The following L3MBTL3 variants were observed in gnomAD, a reference collection of about 807,000 sequenced individuals.
L3MBTL3 encodes the protein lethal(3)malignant brain tumor-like protein 3.
Under a neutral mutation model 102.3 loss-of-function variants are expected in L3MBTL3, and 27 were observed. The ratio of observed to expected loss-of-function variants is 0.26; its 90% CI spans 0.19 to 0.36. L3MBTL3 has a LOEUF of 0.36. L3MBTL3 is among the 10% of genes least tolerant of loss of function. The probability of loss-of-function intolerance (pLI) is 1.00; values close to 1 mark genes in which losing one functional copy is unlikely to be tolerated. For synonymous variants in L3MBTL3, 340 were observed against 320.9 expected (o/e 1.06, Z -0.64); for missense variants, 798 against 955.3 (o/e 0.84, Z 2.17).
chr6:130,042,705 T>C lies in L3MBTL3; in HGVS notation c.6T>C (p.Thr2=). 1.2e-6 allele frequency: 2 copies of C among 1,610,618 alleles called. No individual in the cohort carries two copies. Among genetic ancestry groups the C allele is most frequent in the Non-Finnish European group, 8.5e-7 (1 of 1,177,016 alleles). The change falls in exon 3 of 23, where the codon ACT becomes ACC. Residue 2 remains threonine, a synonymous_variant. Coordinates refer to ENST00000361794, the MANE Select transcript of L3MBTL3 (RefSeq NM_032438.4). M[T]ESASSTSGQE... ...TTCAGGTTAAAAAATAAATCATGAC[T>C]GAATCTGCCTCTAGCACAAGTGGTC...
Position 130,068,409 on chromosome 6 carries a change from A to G in L3MBTL3, c.1080A>G (p.Glu360=), listed in dbSNP as rs1584364782. 2 of 1,579,974 alleles carry G rather than the reference A, an allele frequency of 1.3e-6. No individual in the cohort carries two copies. Among genetic ancestry groups the G allele is most frequent in the Admixed American group, 3.3e-5 (2 of 59,904 alleles). ...KAQAAPKSLF[E]NQNITVIPSG... is the part of the protein sequence containing the mutation. ...AAGCTGCTCCTAAGTCATTATTTGA[A>G]AATCAGAATATAGTAAGTACATACG... The change falls in exon 12 of 23, where the codon GAA becomes GAG. Residue 360 remains glutamate (E), a synonymous_variant. Transcript: ENST00000361794.
chr6:130,095,525 A>G (rs1246327238), intron 18 of L3MBTL3, among the ~76,000 whole-genome samples: 1 of 152,182 alleles, frequency 6.6e-6, no homozygotes, highest in Admixed American at 6.5e-5. Flanking sequence ...AAGTTATTAA[A>G]TATTGCCTAG....
At chr6:130,125,533 G>A (rs1052439255) in intron 20 of L3MBTL3, among the ~76,000 whole-genome samples, 6 of 152,096 alleles carry the variant, frequency 3.9e-5, no homozygotes, top group African/African-American at 1.2e-4. Context: ...TTTTCCCAAG[G>A]TCTTTTGTGA....
chr6:130,134,956 G>A (rs1420565217), intron 22 of L3MBTL3, among the ~76,000 whole-genome samples: 1 of 151,342 alleles, frequency 6.6e-6, no homozygotes. Context: ...TGTTCTTATT[G>A]TGCAAAGGTT....
chr6:130,053,072 GC>G, intron 7 of L3MBTL3, 81 bp downstream of exon 7: 2 of 1,099,924 alleles, frequency 1.8e-6, no homozygotes, highest in Non-Finnish European at 2.7e-6. Context: ...CTGCTCTGGA[GC>G]CCACTGAGTT....
chr6:130,098,440 C>T (rs370958020), intron 18 of L3MBTL3, among the ~76,000 whole-genome samples: 12 of 152,220 alleles, frequency 7.9e-5, no homozygotes, highest in East Asian at 5.8e-4. Context: ...CAGAGAGAAG[C>T]GTCAGCTTTT....
At chr6:130,138,074 G>A (rs924791463) in intron 22 of L3MBTL3, 5 of 152,202 alleles carry the variant, frequency 3.3e-5, no homozygotes, top group African/African-American at 9.7e-5. Flanking sequence ...AAGAAGTTGT[G>A]TAAGATGACT....
In L3MBTL3 at chr6:130,018,620, A is replaced by C. The variant is rs1778716135; in HGVS notation, c.-139A>C. ...CGCCCGCAGCCCTGGACCATTTGTC[A>C]GGACTACTCGTGAGACGGAGAAAAA... is the stretch of plus-strand genomic sequence containing the variant. On this transcript the variant is annotated 5_prime_UTR_variant, in exon 1 of 23. Transcript: ENST00000361794. 6.5e-6 allele frequency: 1 copy of C among 153,394 alleles called. No homozygotes were observed. The highest frequency in any genetic ancestry group is 1.5e-5 in the Non-Finnish European group (1 of 68,274). 9.5% of individuals were successfully genotyped at this position (153,394 alleles called of 1,614,324 possible).
At chr6:130,128,351 T>A (rs1033179805) in intron 20 of L3MBTL3, among the ~76,000 whole-genome samples, 1 of 152,188 alleles carries the variant, frequency 6.6e-6, no homozygotes, top group Non-Finnish European at 1.5e-5. Context: ...TTTATCTTGC[T>A]GCTCTGCCTT....
At chr6:130,118,039 A>G (rs76246159) in intron 19 of L3MBTL3, among the ~76,000 whole-genome samples, 3,975 of 151,956 alleles carry the variant, frequency 0.026, 68 homozygotes, top group Middle Eastern at 0.062. Flanking sequence ...AAAATGTAAA[A>G]CAAATGAGAA....
At chr6:130,048,838 C>T (rs4321845) in intron 3 of L3MBTL3, among the ~76,000 whole-genome samples, 81,659 of 151,936 alleles carry the variant, frequency 0.54, 25,382 homozygotes, top group East Asian at 0.76. Flanking sequence ...CTGGGTGAGC[C>T]TGGGCAAGAC....
At chr6:130,082,119 G>T (rs990715766) in intron 14 of L3MBTL3, among the ~76,000 whole-genome samples, 1 of 152,154 alleles carries the variant, frequency 6.6e-6, no homozygotes, top group East Asian at 1.9e-4. Context: ...TTACTGGTTC[G>T]CTTTTACCAC....
chr6:130,134,821 G>A (rs529588036), intron 22 of L3MBTL3, among the ~76,000 whole-genome samples: 1 of 152,202 alleles, frequency 6.6e-6, no homozygotes, highest in Non-Finnish European at 1.5e-5. Context: ...CAGGAGTATA[G>A]ACACAGCTAA....
intron 18 of L3MBTL3, among the ~76,000 whole-genome samples, chr6:130,098,413 AG>A (rs1784484570): frequency 6.6e-6 from 1 of 152,204 alleles, no homozygotes; most frequent in Non-Finnish European, 1.5e-5. Context: ...TCATAGAGGC[AG>A]GAGTGGAGTG....
chr6:130,058,566 G>C (rs924240326), intron 9 of L3MBTL3, among the ~76,000 whole-genome samples: 2 of 152,048 alleles, frequency 1.3e-5, no homozygotes, highest in African/African-American at 4.8e-5. Flanking sequence ...CGGGACAACA[G>C]AGCAAGACCC....
chr6:130,082,223 T>A (rs1472555945), intron 14 of L3MBTL3, among the ~76,000 whole-genome samples: 3 of 152,216 alleles, frequency 2.0e-5, no homozygotes, highest in Admixed American at 2.0e-4. Context: ...ATACATTTTC[T>A]GGAGAGATAC....
chr6:130,038,955 G>A (rs576294556), intron 2 of L3MBTL3, among the ~76,000 whole-genome samples: 17 of 152,130 alleles, frequency 1.1e-4, no homozygotes, highest in African/African-American at 1.7e-4. Context: ...ATATTGAAGC[G>A]TCTAGTAAAT....
intron 3 of L3MBTL3, among the ~76,000 whole-genome samples, chr6:130,047,345 T>A (rs1013494873): frequency 3.9e-5 from 6 of 152,160 alleles, no homozygotes; most frequent in African/African-American, 1.4e-4. Context: ...AAAAGCTGAC[T>A]GGGATTGAAG....
chr6:130,053,096 C>T, intron 7 of L3MBTL3, 105 bp downstream of exon 7: 1 of 822,524 alleles, frequency 1.2e-6, no homozygotes, highest in Non-Finnish European at 2.0e-6. Context: ...AATGTGGGTT[C>T]CAGGACTATC....
Sources: gnomAD v4.1 joint callset for allele counts (sites outside exome capture counted in the v4.1 genomes callset) on GRCh38, gnomAD v4.1.1 for gene constraint, MANE v1.5 for transcripts, NCBI Gene and HGNC (gene_info 2026-07-23, HGNC 2026-07-21) for gene names.